Variants in ASPRV1 observed in about 807,000 individuals in gnomAD.
The protein encoded by ASPRV1 is aspartic peptidase retroviral like 1.
In ASPRV1, 7 loss-of-function variants were observed where a neutral mutation model predicts 11.0. That is an observed-to-expected ratio of 0.64 (90% CI 0.36 to 1.20). The LOEUF is 1.20. ASPRV1 is among the 50% of genes most tolerant of loss of function. The pLI is 0.02. For missense variants in ASPRV1, 299 were observed against 320.0 expected (o/e 0.93, Z 0.50); for synonymous variants, 136 against 138.4 (o/e 0.98, Z 0.12).
the ASPRV1 span, among the ~76,000 whole-genome samples, chr2:70,053,011 C>T: frequency 3.3e-5 from 5 of 152,140 alleles, no homozygotes; most frequent in African/African-American, 1.2e-4. Flanking sequence ...TTGGCCCCTA[C>T]CATGTCCTCT....
chr2:69,958,403 G>C (rs143408680), downstream of ASPRV1, among the ~76,000 whole-genome samples: 2 of 152,286 alleles, frequency 1.3e-5, no homozygotes, highest in East Asian at 1.9e-4. Flanking sequence ...TCCTCACTCA[G>C]AGCAGGGGAA....
the ASPRV1 span, chr2:70,056,366 G>A: frequency 2.0e-5 from 3 of 152,142 alleles, no homozygotes; most frequent in Non-Finnish European, 2.9e-5. Context: ...AGCACTTTGA[G>A]AGGCCGAGGC....
chr2:70,057,918 C>T, the ASPRV1 span, among the ~76,000 whole-genome samples: 1 of 151,948 alleles, frequency 6.6e-6, no homozygotes, highest in South Asian at 2.1e-4. Context: ...CTCAGCCTCC[C>T]GAGTAGCTGG....
At chr2:70,027,493 A>G in the ASPRV1 span, among the ~76,000 whole-genome samples, 136 of 152,326 alleles carry the variant, frequency 8.9e-4, no homozygotes, top group African/African-American at 3.2e-3. Flanking sequence ...AAGATGTGGA[A>G]TCAACCTAAG....
the ASPRV1 span, among the ~76,000 whole-genome samples, chr2:70,007,166 T>C: frequency 1.3e-5 from 2 of 152,334 alleles, no homozygotes; most frequent in Admixed American, 6.5e-5. Context: ...GTTAAATACA[T>C]GTGACATATC....
chr2:70,071,439 C>T, the ASPRV1 span, among the ~76,000 whole-genome samples: 3 of 152,118 alleles, frequency 2.0e-5, no homozygotes, highest in Non-Finnish European at 4.4e-5. Context: ...TGTATAGTTC[C>T]GGGGTACTGG....
the ASPRV1 span, among the ~76,000 whole-genome samples, chr2:70,038,619 C>A: frequency 6.6e-6 from 1 of 152,094 alleles, no homozygotes; most frequent in Non-Finnish European, 1.5e-5. Context: ...GCTCTTTATT[C>A]CCCCTTGGTA....
chr2:70,070,152 C>A, the ASPRV1 span: 1 of 117,364 alleles, frequency 8.5e-6, no homozygotes, highest in Non-Finnish European at 1.6e-5. Context: ...GCACTCCAGA[C>A]TGGGTAACAT....
At chr2:70,008,639 T>TG in the ASPRV1 span, among the ~76,000 whole-genome samples, 33 of 148,504 alleles carry the variant, frequency 2.2e-4, no homozygotes, top group East Asian at 6.4e-3. Flanking sequence ...TTTTGTGTGT[T>TG]TTTTTTTTTT....
the ASPRV1 span, chr2:69,937,991 C>T: frequency 9.6e-7 from 1 of 1,042,560 alleles, no homozygotes; most frequent in Non-Finnish European, 1.4e-6. Flanking sequence ...AAGTGATCCA[C>T]CCGCCTTTGC....
chr2:70,011,707 C>T, the ASPRV1 span: 3 of 152,264 alleles, frequency 2.0e-5, no homozygotes, highest in Admixed American at 6.5e-5. Context: ...AACTGGAGCC[C>T]GGGACAGACA....
At chr2:70,079,228 A>C in the ASPRV1 span, among the ~76,000 whole-genome samples, 4,603 of 152,072 alleles carry the variant, frequency 0.03, 146 homozygotes, top group Admixed American at 0.082. Context: ...AATAATGTAA[A>C]CTCATGAATT....
At chr2:69,940,777 C>T in the ASPRV1 span, 1 of 152,536 alleles carries the variant, frequency 6.6e-6, no homozygotes, top group Non-Finnish European at 1.5e-5. Flanking sequence ...TGAGGTAGAC[C>T]GAGTCAGCAT....
the ASPRV1 span, chr2:69,988,939 T>C: frequency 3.1e-6 from 1 of 327,678 alleles, no homozygotes; most frequent in Non-Finnish European, 6.3e-6. Flanking sequence ...TTTGAGTGTA[T>C]TCTGATAAAA....
At chr2:69,996,799 A>T in the ASPRV1 span, 1 of 454,244 alleles carries the variant, frequency 2.2e-6, no homozygotes, top group Admixed American at 2.4e-5. Flanking sequence ...TCGGACGGTC[A>T]GATACTGTCC....
chr2:70,084,638 T>C, the ASPRV1 span, among the ~76,000 whole-genome samples: 1 of 152,218 alleles, frequency 6.6e-6, no homozygotes, highest in Non-Finnish European at 1.5e-5. Flanking sequence ...TTTTTATATA[T>C]AAAGAATAGA....
At chr2:70,032,189 A>C in the ASPRV1 span, 1 of 152,182 alleles carries the variant, frequency 6.6e-6, no homozygotes, top group Non-Finnish European at 1.5e-5. Flanking sequence ...TATCGTCCTC[A>C]AAGTTTGGAA....
the ASPRV1 span, chr2:69,998,130 T>C: frequency 2.8e-5 from 4 of 140,498 alleles, no homozygotes; most frequent in Non-Finnish European, 4.4e-5. Context: ...CATTTCCTGA[T>C]AGTTCTAGAA....
chr2:70,026,105 G>C, the ASPRV1 span, among the ~76,000 whole-genome samples: 1 of 152,074 alleles, frequency 6.6e-6, no homozygotes, highest in African/African-American at 2.4e-5. Flanking sequence ...GGTGGATTAC[G>C]TGAGGTCAGG....
Sources: gnomAD v4.1 joint callset for allele counts (sites outside exome capture counted in the v4.1 genomes callset) on GRCh38, gnomAD v4.1.1 for gene constraint, MANE v1.5 for transcripts, NCBI Gene and HGNC (gene_info 2026-07-23, HGNC 2026-07-21) for gene names.